HCFC2: variants seen among roughly 807,000 people sequenced by gnomAD.
HCFC2 encodes host cell factor C2, also known as host cell factor 2.
Under a neutral mutation model 89.2 loss-of-function variants are expected in HCFC2, and 18 were observed. The observed-to-expected ratio is 0.20, with a 90% confidence interval of 0.14 to 0.30. HCFC2 has a LOEUF of 0.30. Ranked by LOEUF, HCFC2 falls within the 10% of genes least tolerant of loss-of-function variation. The pLI is 1.00. For synonymous variants in HCFC2, 308 were observed against 335.7 expected (o/e 0.92, Z 0.90); for missense variants, 578 against 956.1 (o/e 0.60, Z 5.21).
intron 3 of HCFC2, among the ~76,000 whole-genome samples, chr12:104,074,561 C>T (rs1233609181): frequency 6.6e-6 from 1 of 152,180 alleles, no homozygotes; most frequent in African/African-American, 2.4e-5. Flanking sequence ...CTTACTGTGT[C>T]TCTCCTTTAA....
At chr12:104,082,929 T>G in intron 7 of HCFC2, 28 bp downstream of exon 7, 1 of 1,543,836 alleles carries the variant, frequency 6.5e-7, no homozygotes, top group Non-Finnish European at 8.8e-7. Context: ...ACAAATAAAC[T>G]TTTTCCTTTA....
chr12:104,080,684 G>A (rs1883658619), intron 4 of HCFC2, 62 bp from the exon 5 acceptor site: 2 of 934,576 alleles, frequency 2.1e-6, no homozygotes, highest in Non-Finnish European at 3.3e-6. Context: ...TTAAAATTAT[G>A]GAAGTTGAGG....
At chr12:104,070,077 C>CA (rs1360409857) in intron 3 of HCFC2, among the ~76,000 whole-genome samples, 1 of 152,200 alleles carries the variant, frequency 6.6e-6, no homozygotes, top group East Asian at 1.9e-4. Flanking sequence ...GGCTGAAGTG[C>CA]AGTGGCGCAA....
chr12:104,096,045 T>G (rs1009485432), intron 11 of HCFC2, among the ~76,000 whole-genome samples: 26 of 152,170 alleles, frequency 1.7e-4, no homozygotes, highest in Non-Finnish European at 3.5e-4. Flanking sequence ...GATAAATTCT[T>G]TATTCTTTTG....
At chr12:104,084,177 C>T (rs565513205) in intron 7 of HCFC2, among the ~76,000 whole-genome samples, 1 of 152,326 alleles carries the variant, frequency 6.6e-6, no homozygotes, top group South Asian at 2.1e-4. Context: ...AGTGCGCCTG[C>T]TCTCACAAAG....
At chr12:104,077,018 GTA>G (rs1037177289) in intron 3 of HCFC2, among the ~76,000 whole-genome samples, 1 of 151,942 alleles carries the variant, frequency 6.6e-6, no homozygotes, top group Non-Finnish European at 1.5e-5. Context: ...GTGTCTGTGT[GTA>G]TATATATATG....
At chr12:104,101,874 A>G in intron 13 of HCFC2, 94 bp from the exon 14 acceptor site, 1 of 752,188 alleles carries the variant, frequency 1.3e-6, no homozygotes, top group Non-Finnish European at 2.0e-6. Flanking sequence ...TTATTCTTTA[A>G]AAGTTTTTTT....
At chr12:104,087,466 C>CATAT (rs10548496) in intron 8 of HCFC2, among the ~76,000 whole-genome samples, 11 of 139,468 alleles carry the variant, frequency 7.9e-5, no homozygotes, top group Admixed American at 2.1e-4. Context: ...TATATATATA[C>CATAT]ATATATATAT....
At chr12:104,075,262 A>T (rs1240992166) in intron 3 of HCFC2, among the ~76,000 whole-genome samples, 2 of 151,774 alleles carry the variant, frequency 1.3e-5, no homozygotes, top group East Asian at 3.9e-4. Flanking sequence ...TATCTTTAAA[A>T]TCTCTATATC....
At chr12:104,096,062 G>T (rs1884166871) in intron 11 of HCFC2, among the ~76,000 whole-genome samples, 1 of 151,932 alleles carries the variant, frequency 6.6e-6, no homozygotes, top group Non-Finnish European at 1.5e-5. Context: ...TTTGAAATAG[G>T]AATTGTATTG....
At chr12:104,091,466 A>G (rs1375537488) in intron 9 of HCFC2, among the ~76,000 whole-genome samples, 1 of 152,068 alleles carries the variant, frequency 6.6e-6, no homozygotes, top group Non-Finnish European at 1.5e-5. Flanking sequence ...CTTATCTACT[A>G]TTTTCTCTTC....
At chr12:104,077,556 T>G (rs1883538733) in intron 3 of HCFC2, among the ~76,000 whole-genome samples, 1 of 151,744 alleles carries the variant, frequency 6.6e-6, no homozygotes, top group Non-Finnish European at 1.5e-5. Context: ...GCCTGTTTTT[T>G]TTTTTTTTTT....
intron 7 of HCFC2, among the ~76,000 whole-genome samples, chr12:104,084,960 T>C (rs1883791489): frequency 6.6e-6 from 1 of 152,172 alleles, no homozygotes; most frequent in Admixed American, 6.5e-5. Flanking sequence ...AAGAGTTCCA[T>C]TTAGACCATG....
intron 3 of HCFC2, among the ~76,000 whole-genome samples, chr12:104,073,185 G>A (rs1409585532): frequency 5.5e-5 from 7 of 126,908 alleles, no homozygotes; most frequent in African/African-American, 1.4e-4. Flanking sequence ...TTTTTTTTGA[G>A]ACGGAGTCTA....
chr12:104,077,594 A>G (rs1883541964), intron 3 of HCFC2, among the ~76,000 whole-genome samples: 1 of 142,184 alleles, frequency 7.0e-6, no homozygotes, highest in Non-Finnish European at 1.5e-5. Flanking sequence ...TGCTTTCTAT[A>G]TACTATACTT....
chr12:104,075,143 C>T (rs1226292686), intron 3 of HCFC2, among the ~76,000 whole-genome samples: 1 of 151,424 alleles, frequency 6.6e-6, no homozygotes, highest in Non-Finnish European at 1.5e-5. Context: ...TCATCTGAAC[C>T]CAGGAGTTTA....
intron 3 of HCFC2, among the ~76,000 whole-genome samples, chr12:104,074,931 T>C (rs1426280581): frequency 6.6e-6 from 1 of 152,216 alleles, no homozygotes; most frequent in Non-Finnish European, 1.5e-5. Context: ...GGGATTGGTA[T>C]ATGATCTTTT....
chr12:104,076,536 G>T (rs981628369), intron 3 of HCFC2, among the ~76,000 whole-genome samples: 6 of 152,354 alleles, frequency 3.9e-5, no homozygotes, highest in African/African-American at 7.2e-5. Context: ...GTTTTAGATA[G>T]TTTTAATATT....
At chr12:104,070,089 C>G (rs1298624914) in intron 3 of HCFC2, among the ~76,000 whole-genome samples, 1 of 152,082 alleles carries the variant, frequency 6.6e-6, no homozygotes, top group Non-Finnish European at 1.5e-5. Context: ...GTGGCGCAAT[C>G]CCGTCTCACT....
Sources: gnomAD v4.1 joint callset for allele counts (sites outside exome capture counted in the v4.1 genomes callset) on GRCh38, gnomAD v4.1.1 for gene constraint, MANE v1.5 for transcripts, NCBI Gene and HGNC (gene_info 2026-07-23, HGNC 2026-07-21) for gene names.